AP1AR: variants seen among roughly 807,000 people sequenced by gnomAD.
AP1AR encodes AP-1 complex-associated regulatory protein.
Under a neutral mutation model 46.3 loss-of-function variants are expected in AP1AR, and 29 were observed. The ratio of observed to expected loss-of-function variants is 0.63; its 90% CI spans 0.47 to 0.85. The LOEUF (loss-of-function observed/expected upper bound fraction) is 0.85. AP1AR is among the 40% of genes least tolerant of loss of function. The pLI is 0.00. For missense variants in AP1AR, 357 were observed against 356.3 expected (o/e 1.00, Z -0.02); for synonymous variants, 122 against 122.9 (o/e 0.99, Z 0.05).
chr4:112,247,192 TG>T (rs1179002445), intron 1 of AP1AR, among the ~76,000 whole-genome samples: 3 of 152,066 alleles, frequency 2.0e-5, no homozygotes. Context: ...TAACATGAAG[TG>T]TATGTATGGG....
Position 112,257,795 on chromosome 4 carries a change from T to C in AP1AR, c.183T>C (p.His61=), listed in dbSNP as rs769403725. ...AGGGGGAGAGCCCAGGAAGCAGTCA[T>C]AGGTAAGGCTTTGTTAAAAAAAAAA... ...SDEGESPGSS[H]RPLTEEEIVD... The change falls in exon 4 of 10, where the codon CAT becomes CAC. Residue 61 remains histidine, a splice_region_variant and synonymous_variant. Transcript: ENST00000274000. 6.4e-7 allele frequency: 1 copy of C among 1,556,144 alleles called. No individual in the cohort carries two copies. The highest frequency in any genetic ancestry group is 1.2e-5 in the South Asian group (1 of 80,868).
rs1441505426 is a variant in AP1AR, at chr4:112,271,084, A to G, written c.*2675A>G. Among the ~76,000 whole-genome samples the G allele has an allele frequency of 6.6e-6, 1 of 152,164 alleles. No individual in the cohort carries two copies. The highest frequency in any genetic ancestry group is 2.4e-5 in the African/African-American group (1 of 41,456). On this transcript the variant is annotated 3_prime_UTR_variant, in exon 10 of 10. Transcript: ENST00000274000. ...AAAGGAAGGGGTAGAATCAGATACT[A>G]CTGTAGGGGTAACACATCTGGCATG...
chr4:112,271,903 T>C lies in AP1AR; in HGVS notation c.*3494T>C, dbSNP rs1479158216. Among the ~76,000 whole-genome samples, 5 of 152,034 alleles carry C rather than the reference T, an allele frequency of 3.3e-5. No homozygotes were observed. The highest frequency in any genetic ancestry group is 7.3e-5 in the African/African-American group (3 of 41,378). On this transcript the variant is annotated 3_prime_UTR_variant, in exon 10 of 10. Transcript: ENST00000274000. ...ACATAGGCAGAAAAGCCCCACTAAG[T>C]GTTGACATTTAGAAGTTGGGGGTAG...
chr4:112,239,007 T>TC (rs1346252002), intron 1 of AP1AR, among the ~76,000 whole-genome samples: 1 of 152,184 alleles, frequency 6.6e-6, no homozygotes, highest in Non-Finnish European at 1.5e-5. Flanking sequence ...TTCCTGTTAC[T>TC]CACCCTTTAA....
At chr4:112,243,665 ATTAC>A (rs1725602659) in intron 1 of AP1AR, among the ~76,000 whole-genome samples, 1 of 152,156 alleles carries the variant, frequency 6.6e-6, no homozygotes, top group South Asian at 2.1e-4. Flanking sequence ...ATAGGCCATA[ATTAC>A]TTCACCCTTC....
At chr4:112,254,291 A>T (rs1726088201) in intron 2 of AP1AR, among the ~76,000 whole-genome samples, 1 of 152,334 alleles carries the variant, frequency 6.6e-6, no homozygotes, top group African/African-American at 2.4e-5. Context: ...TCAGTAAATA[A>T]CTATATGAAT....
chr4:112,244,459 G>A (rs1324485147), intron 1 of AP1AR, among the ~76,000 whole-genome samples: 1 of 152,174 alleles, frequency 6.6e-6, no homozygotes, highest in Non-Finnish European at 1.5e-5. Flanking sequence ...TAGTCAACTT[G>A]AAGGTGAAGC....
chr4:112,236,053 A>G (rs751507223), intron 1 of AP1AR, among the ~76,000 whole-genome samples: 3 of 151,754 alleles, frequency 2.0e-5, no homozygotes, highest in African/African-American at 7.3e-5. Flanking sequence ...CATTCCTATG[A>G]TTTCAACCAC....
At chr4:112,265,179 T>C in intron 7 of AP1AR, 112 bp downstream of exon 7, 1 of 722,000 alleles carries the variant, frequency 1.4e-6, no homozygotes, top group Non-Finnish European at 2.2e-6. Flanking sequence ...ATGTGTTCCC[T>C]AAAAATTATT....
chr4:112,252,129 C>T (rs1725986577), intron 1 of AP1AR, among the ~76,000 whole-genome samples: 1 of 152,158 alleles, frequency 6.6e-6, no homozygotes, highest in Non-Finnish European at 1.5e-5. Flanking sequence ...TTACTAGCTA[C>T]TGGGGAGGCT....
intron 3 of AP1AR, among the ~76,000 whole-genome samples, chr4:112,255,610 A>G (rs1489400228): frequency 6.6e-6 from 1 of 152,122 alleles, no homozygotes; most frequent in African/African-American, 2.4e-5. Context: ...TTCTGATGTC[A>G]GATTTTCTAC....
In AP1AR at chr4:112,263,173, A is replaced by G. The variant is rs1332651546; in HGVS notation, c.381+87A>G. 32 of 1,005,480 alleles carry G rather than the reference A, an allele frequency of 3.2e-5. No individual in the cohort carries two copies. The East Asian group carries it at 5.5e-4, about 17-fold the overall frequency. 62.3% of individuals were successfully genotyped at this position (1,005,480 alleles called of 1,614,324 possible). A position where few individuals can be genotyped will look rare whatever the true frequency, so the allele number is the denominator to read the frequency against. Reference sequence around the variant, plus strand: ...TCTTAGTTGGGACTCTTTTTTTCCTATTCTCAAGGACTTCTTGTTTAACAA... The same window carrying G: ...TCTTAGTTGGGACTCTTTTTTTCCTGTTCTCAAGGACTTCTTGTTTAACAA... On this transcript the variant is annotated intron_variant, in intron 6 of 9. Transcript: ENST00000274000.
intron 4 of AP1AR, among the ~76,000 whole-genome samples, chr4:112,259,655 A>T (rs1258954843): frequency 6.6e-6 from 1 of 152,150 alleles, no homozygotes; most frequent in Admixed American, 6.6e-5. Context: ...TCCTTCCTTC[A>T]CATGGAAGAG....
intron 1 of AP1AR, among the ~76,000 whole-genome samples, chr4:112,234,756 C>T (rs1484245733): frequency 6.6e-6 from 1 of 151,052 alleles, no homozygotes; most frequent in Admixed American, 6.6e-5. Context: ...GGAGTAATCA[C>T]AAAAACTTGA....
At chr4:112,237,341 C>T (rs1258970148) in intron 1 of AP1AR, among the ~76,000 whole-genome samples, 9 of 152,110 alleles carry the variant, frequency 5.9e-5, no homozygotes, top group Admixed American at 3.3e-4. Context: ...CTCCTGACCT[C>T]GTGATCCCCC....
chr4:112,237,556 C>A (rs943642177), intron 1 of AP1AR, among the ~76,000 whole-genome samples: 1 of 152,084 alleles, frequency 6.6e-6, no homozygotes, highest in South Asian at 2.1e-4. Flanking sequence ...CTCCCAGGCT[C>A]AAGCAATTCT....
rs34760041 is a variant in AP1AR at position 112,270,036 on chromosome 4, A to AT, written c.*1632dup. On this transcript the variant is annotated 3_prime_UTR_variant, in exon 10 of 10. Coordinates refer to ENST00000274000, the MANE Select transcript of AP1AR (RefSeq NM_018569.6). ...TTTACAAATGGTTGTGAATAAACAC[A>AT]TTTTTACACTTAAAGGTAATAAGTT... 10 of 152,700 alleles carry AT rather than the reference A, an allele frequency of 6.5e-5. No homozygotes were observed. Among genetic ancestry groups the AT allele is most frequent in the South Asian group, 2.1e-4 (1 of 4,830 alleles). The allele number at this position is 152,700 out of a possible 1,614,324, so 9.5% of individuals were successfully genotyped here. A position where few individuals can be genotyped will look rare whatever the true frequency, so the allele number is the denominator to read the frequency against.
rs148045529 is a variant in AP1AR, at chr4:112,253,606, A to G, written c.132+350A>G. Among the ~76,000 whole-genome samples, 73 of 152,330 alleles carry G rather than the reference A, an allele frequency of 4.8e-4. No homozygotes were observed. In the East Asian group the frequency reaches 0.011, roughly 23 times the overall value. On this transcript the variant is annotated intron_variant, in intron 2 of 9. Transcript: ENST00000274000. ...AGAAACAAAGCAGGAAGTTGAGTTT[A>G]AGCAACTCCACAGCAGAATGACCGA...
chr4:112,249,243 A>G (rs1476773613), intron 1 of AP1AR, among the ~76,000 whole-genome samples: 1 of 151,734 alleles, frequency 6.6e-6, no homozygotes, highest in Non-Finnish European at 1.5e-5. Context: ...GTGAGCCAAG[A>G]TCGTGCCATT....
Sources: allele counts gnomAD v4.1 joint callset (sites outside exome capture counted in the v4.1 genomes callset), GRCh38; gene constraint gnomAD v4.1.1; transcripts MANE v1.5; gene names NCBI Gene and HGNC (gene_info 2026-07-23, HGNC 2026-07-21).